CACNA1B: variants seen among roughly 807,000 people sequenced by gnomAD.
The protein encoded by CACNA1B is voltage-dependent N-type calcium channel subunit alpha-1B.
In CACNA1B, 70 loss-of-function variants were observed where a neutral mutation model predicts 247.2. The ratio of observed to expected loss-of-function variants is 0.28; its 90% confidence interval spans 0.23 to 0.35. The LOEUF (loss-of-function observed/expected upper bound fraction) is 0.35, where lower values mean the gene tolerates loss of function less well. CACNA1B is among the 10% of genes least tolerant of loss of function. The pLI is 1.00. For synonymous variants in CACNA1B, 1,231 were observed against 1,294.4 expected (o/e 0.95, Z 1.05); for missense variants, 2,367 against 3,197.4 (o/e 0.74, Z 6.26).
chr9:138,024,692 A>C (rs1036129631), intron 19 of CACNA1B, among the ~76,000 whole-genome samples: 1 of 152,150 alleles, frequency 6.6e-6, no homozygotes, highest in Admixed American at 6.5e-5. Context: ...GCAGTGGCGC[A>C]ATCATGGCTC....
rs574407404 is a variant in CACNA1B at position 137,946,002 on chromosome 9, A to G, written c.967-6272A>G. Among the ~76,000 whole-genome samples the G allele has an allele frequency of 1.4e-4, 22 of 152,086 alleles. 1 individual carries two copies. In the South Asian group the frequency reaches 2.7e-3, roughly 19 times the overall value. The stretch of plus-strand genomic sequence containing the variant: ...CCTGGCTAATTTTTTTTATATTTTT[A>G]GTAGAGACAGGGTTTCACCATATTG... On this transcript the variant is annotated intron_variant, in intron 6 of 46. Transcript: ENST00000371372.
At chr9:138,065,573 C>CT (rs1959887173) in intron 31 of CACNA1B, among the ~76,000 whole-genome samples, 1 of 152,194 alleles carries the variant, frequency 6.6e-6, no homozygotes, top group Admixed American at 6.5e-5. Context: ...CCTGCCCTTC[C>CT]TTTCTGGGTG....
intron 41 of CACNA1B, 79 bp downstream of exon 41, chr9:138,114,569 G>A: frequency 1.5e-6 from 1 of 685,724 alleles, no homozygotes; most frequent in South Asian, 1.7e-5. Flanking sequence ...TTGACGACGG[G>A]GGAGATGCAC....
Position 137,986,682 on chromosome 9 carries a change from T to C in CACNA1B, c.1902-100T>C, listed in dbSNP as rs901803994. ...TCAGAGGGGCCAGTGTGCAGCCATC[T>C]GCAGCCTGAAGCGAGCAGGTTGAGG... On this transcript the variant is annotated intron_variant, in intron 14 of 46. Transcript: ENST00000371372. This position sits in a 1 kb window ranked among gnomAD's most constrained non-coding sequence, Gnocchi z 6.0. 9 of 1,416,348 alleles carry C rather than the reference T, an allele frequency of 6.4e-6. No individual in the cohort carries two copies. In the Admixed American group the frequency reaches 1.5e-4, roughly 24 times the overall value. 87.7% of individuals were successfully genotyped at this position (1,416,348 alleles called of 1,614,324 possible). A position where few individuals can be genotyped will look rare whatever the true frequency, so the allele number is the denominator to read the frequency against.
chr9:137,948,527 C>T (rs754035002), intron 6 of CACNA1B, among the ~76,000 whole-genome samples: 1 of 151,698 alleles, frequency 6.6e-6, no homozygotes, highest in Non-Finnish European at 1.5e-5. Flanking sequence ...CTAAATTTTC[C>T]CTTTGGTTCT....
Position 138,043,886 on chromosome 9 carries a change from A to C in CACNA1B, c.3399A>C (p.Leu1133Phe). ...PIVPYSSMFC[L>F]SPTNLLRRFC... is the part of the protein sequence containing the mutation. ...TCCCATACAGCTCCATGTTCTGTTT[A>C]AGCCCCACCAACCTGTGAGTCTCCT... The change falls in exon 21 of 47, where the codon TTA becomes TTC. Residue 1133 changes from leucine to phenylalanine, a missense_variant. Leu to Phe is a conservative substitution (Grantham distance 22). Coordinates refer to ENST00000371372, the MANE Select transcript of CACNA1B (RefSeq NM_000718.4). 1.2e-6 allele frequency: 2 copies of C among 1,613,730 alleles called. No individual in the cohort carries two copies. Among genetic ancestry groups the C allele is most frequent in the Non-Finnish European group, 1.7e-6 (2 of 1,179,670 alleles).
chr9:138,094,457 A>AAAAGAAG lies in CACNA1B; in HGVS notation c.5095-2025_5095-2024insAGAAGAA, dbSNP rs752912258. 7.4e-5 allele frequency among the ~76,000 whole-genome samples: 10 copies of AAAAGAAG among 134,766 alleles called. No homozygotes were observed. In the East Asian group the frequency reaches 7.8e-4, roughly 11 times the overall value. The allele number at this position is 134,766 out of a possible 152,430, so 88.4% of individuals were successfully genotyped here. On this transcript the variant is annotated intron_variant, in intron 36 of 46. Transcript: ENST00000371372. ...TTTACTACAGTAAAAAAAAAAAAAAAAAGAAGAAGAAGAAGAAAGTGAACA... is the reference window on the plus strand; with the variant it reads ...TTTACTACAGTAAAAAAAAAAAAAAAAAAGAAGAAGAAGAAGAAGAAGAAAGTGAACA...
chr9:138,094,845 A>G (rs779326504), intron 36 of CACNA1B, among the ~76,000 whole-genome samples: 84 of 152,346 alleles, frequency 5.5e-4, no homozygotes, highest in Non-Finnish European at 9.4e-4. Context: ...CTTTCTTTCC[A>G]TGATAATTCA....
At chr9:138,036,162 C>CG (rs912093929) in intron 20 of CACNA1B, among the ~76,000 whole-genome samples, 7 of 151,190 alleles carry the variant, frequency 4.6e-5, no homozygotes, top group African/African-American at 1.7e-4. Context: ...GTTTTTGAGA[C>CG]GGAGTCTCGC....
chr9:137,884,673 G>A (rs1308015922), intron 3 of CACNA1B, among the ~76,000 whole-genome samples: 1 of 151,776 alleles, frequency 6.6e-6, no homozygotes, highest in East Asian at 1.9e-4. Context: ...TGGGGTGTAA[G>A]CAGTGCTGGG....
At chr9:138,083,258 G>A (rs1223159747) in intron 36 of CACNA1B, among the ~76,000 whole-genome samples, 1 of 150,824 alleles carries the variant, frequency 6.6e-6, no homozygotes, top group Non-Finnish European at 1.5e-5. Flanking sequence ...TTATCCTTGA[G>A]GCAAAACTGC....
At chr9:138,029,583 C>T (rs1405714282) in intron 20 of CACNA1B, among the ~76,000 whole-genome samples, 1 of 149,206 alleles carries the variant, frequency 6.7e-6, no homozygotes, top group African/African-American at 2.5e-5. Context: ...ATTTCTGATC[C>T]TGTGTTTTTT....
chr9:137,908,738 CT>C (rs2133270324), intron 3 of CACNA1B, among the ~76,000 whole-genome samples: 1 of 151,554 alleles, frequency 6.6e-6, no homozygotes, highest in Admixed American at 6.6e-5. Flanking sequence ...TCACGCCATT[CT>C]CCTGCCTCAG....
intron 32 of CACNA1B, among the ~76,000 whole-genome samples, chr9:138,070,478 G>A (rs151100730): frequency 7.9e-5 from 12 of 152,354 alleles, no homozygotes; most frequent in South Asian, 6.2e-4. Context: ...AGGTCCAACC[G>A]GAGCTTCCTG....
chr9:138,081,330 A>G (rs1960517349), intron 36 of CACNA1B, among the ~76,000 whole-genome samples: 1 of 152,202 alleles, frequency 6.6e-6, no homozygotes, highest in African/African-American at 2.4e-5. Flanking sequence ...TCTTGTCCCC[A>G]TGGACCTCAG....
At position 138,117,304 on chromosome 9, in the gene CACNA1B, TAAGGAGGAGCCACCAGC is replaced by T. The variant is rs1482455889; in HGVS notation, c.5778-637_5778-621del. Among the ~76,000 whole-genome samples the T allele has an allele frequency of 6.0e-5, 9 of 151,114 alleles. No individual in the cohort carries two copies. The South Asian group carries it at 1.9e-3, about 32-fold the overall frequency. On this transcript the variant is annotated intron_variant, in intron 42 of 46. Transcript: ENST00000371372. ...TGGCTTGGGGGGGGGGTCAGAGAAG[TAAGGAGGAGCCACCAGC>T]AAGGGACCCCTGAGGGAGGAAGCCC...
intron 20 of CACNA1B, among the ~76,000 whole-genome samples, chr9:138,042,765 T>C (rs1020344474): frequency 6.6e-6 from 1 of 152,218 alleles, no homozygotes; most frequent in Non-Finnish European, 1.5e-5. Context: ...GTTTTCATGC[T>C]CACCTCGAAG....
intron 12 of CACNA1B, among the ~76,000 whole-genome samples, chr9:137,977,910 C>T (rs1332541182): frequency 2.0e-5 from 3 of 150,610 alleles, no homozygotes; most frequent in Non-Finnish European, 3.0e-5. Flanking sequence ...TGCACTACCC[C>T]CGCAGGAAGG....
Position 138,075,900 on chromosome 9 carries a change from C to A in CACNA1B, c.4939C>A (p.Leu1647Met), listed in dbSNP as rs377675321. 6.2e-7 allele frequency: 1 copy of A among 1,606,656 alleles called. No individual in the cohort carries two copies. The highest frequency in any genetic ancestry group is 8.5e-7 in the Non-Finnish European group (1 of 1,174,794). The change falls in exon 35 of 47, where the codon CTG (leucine) becomes ATG (methionine). Residue 1647 changes from leucine (L) to methionine (M), a missense_variant. Leu to Met is a conservative substitution (Grantham distance 15). Coordinates refer to ENST00000371372, the MANE Select transcript of CACNA1B (RefSeq NM_000718.4). ...NFRTFLQALM[L>M]LFRSATGEAW... ...CCGGACGTTTTTGCAAGCCCTGATG[C>A]TGCTGTTCAGGTGTGTTGTTCGGTC...
Sources: allele counts gnomAD v4.1 joint callset (sites outside exome capture counted in the v4.1 genomes callset), GRCh38; gene constraint gnomAD v4.1.1; non-coding constraint Gnocchi (gnomAD v3.1); transcripts MANE v1.5; gene names NCBI Gene and HGNC (gene_info 2026-07-23, HGNC 2026-07-21).